ARHGAP23: variants seen among roughly 807,000 people sequenced by gnomAD.
ARHGAP23 encodes the protein rho GTPase-activating protein 23.
A neutral mutation model predicts 136.3 loss-of-function variants in ARHGAP23; 34 were observed. The observed-to-expected ratio is 0.25, with a 90% confidence interval of 0.19 to 0.33. The LOEUF is 0.33. Among genes scored for constraint, ARHGAP23 ranks in the 10% least tolerant of loss-of-function variants. The probability of loss-of-function intolerance (pLI) is 1.00; values close to 1 mark genes in which losing one functional copy is unlikely to be tolerated. For synonymous variants in ARHGAP23, 832 were observed against 920.5 expected, an observed-to-expected ratio of 0.90 and a Z score of 1.74; for missense variants, 1,808 against 2,139.0, an observed-to-expected ratio of 0.85 and a Z score of 3.05.
intron 1 of ARHGAP23, among the ~76,000 whole-genome samples, chr17:38,432,832 A>G (rs1224297467): frequency 5.9e-5 from 9 of 152,216 alleles, no homozygotes; most frequent in Admixed American, 4.6e-4. Context: ...CTGTCTCAAA[A>G]AACCAAACCA....
chr17:38,429,223 C>T (rs909433022), intron 1 of ARHGAP23, among the ~76,000 whole-genome samples: 3 of 152,246 alleles, frequency 2.0e-5, no homozygotes, highest in African/African-American at 7.2e-5. Context: ...GTGCCAGGGG[C>T]ATTACTCAGC....
At chr17:38,470,234 C>T (rs2039718108) in intron 10 of ARHGAP23, among the ~76,000 whole-genome samples, 1 of 152,234 alleles carries the variant, frequency 6.6e-6, no homozygotes, top group Non-Finnish European at 1.5e-5. Flanking sequence ...CCGCTCCTGA[C>T]ATTTCACGCC....
At chr17:38,428,238 A>T (rs2038598672), upstream of ARHGAP23, among the ~76,000 whole-genome samples, 1 of 151,894 alleles carries the variant, frequency 6.6e-6, no homozygotes, top group Admixed American at 6.5e-5. Context: ...CTGGGCTCTG[A>T]CGTCCAGCTC....
At chr17:38,492,465 A>G (rs2040299096) in intron 20 of ARHGAP23, among the ~76,000 whole-genome samples, 3 of 152,158 alleles carry the variant, frequency 2.0e-5, no homozygotes, top group Admixed American at 2.0e-4. Flanking sequence ...AGGCTCAGAG[A>G]GGCAAAGCAA....
chr17:38,487,146 G>A (rs1246536826), intron 17 of ARHGAP23, among the ~76,000 whole-genome samples: 4 of 152,198 alleles, frequency 2.6e-5, no homozygotes, highest in African/African-American at 7.2e-5. Context: ...TGGTGTGAGC[G>A]GGCTCCAGCA....
chr17:38,467,414 C>T lies in ARHGAP23; in HGVS notation c.1648+83C>T, dbSNP rs145902466. ...TGCTGTACCCCATCTGCCTGTCTGC[C>T]ATGGGCAGAATTCGGCTGGGTGCTG... is the stretch of plus-strand genomic sequence containing the variant. On this transcript the variant is annotated intron_variant, in intron 7 of 23. Coordinates refer to ENST00000622683, the MANE Select transcript of ARHGAP23 (RefSeq NM_001199417.2). 1.3e-4 allele frequency: 175 copies of T among 1,344,176 alleles called. No homozygotes were observed. The African/African-American group carries it at 2.2e-3, about 17-fold the overall frequency. 83.3% of individuals were successfully genotyped at this position (1,344,176 alleles called of 1,614,324 possible). A position where few individuals can be genotyped will look rare whatever the true frequency, so the allele number is the denominator to read the frequency against.
Position 38,510,244 on chromosome 17 carries a change from T to C in ARHGAP23, c.3748T>C (p.Tyr1250His), listed in dbSNP as rs1157351230. 1.5e-6 allele frequency: 2 copies of C among 1,375,142 alleles called. No homozygotes were observed. The highest frequency in any genetic ancestry group is 2.8e-5 in the Admixed American group (1 of 35,158). The allele number at this position is 1,375,142 out of a possible 1,614,324, so 85.2% of individuals were successfully genotyped here. A position where few individuals can be genotyped will look rare whatever the true frequency, so the allele number is the denominator to read the frequency against. Residue 1250 changes from tyrosine to histidine, a missense_variant, in exon 24 of 24, where the codon TAC becomes CAC. Physicochemically the swap from Tyr to His is moderately conservative, Grantham distance 83. Transcript: ENST00000622683. The surrounding 1 kb of genome is among the most constrained non-coding windows in gnomAD (Gnocchi z 4.6). ...GGACACGCGCTCCATTGTGTCGGGCTACTCCACCCTGTCCACCATGGACCG... is the reference window on the plus strand; with the variant it reads ...GGACACGCGCTCCATTGTGTCGGGCCACTCCACCCTGTCCACCATGGACCG... Reference protein sequence around the residue: ...AADTRSIVSGYSTLSTMDRSV... With the variant: ...AADTRSIVSGHSTLSTMDRSV...
In ARHGAP23 at chr17:38,510,520, G is replaced by T. The variant is rs1238092161; in HGVS notation, c.4024G>T (p.Glu1342Ter). ...GGGCCGGGGCGGTCCCCGCGCCCCG[G>T]AGCCGCCCGGCTCGGCGTCGTCCAG... is the stretch of plus-strand genomic sequence containing the variant. Reference protein sequence around the residue: ...GAGRGGPRAPEPPGSASSSSQ... With the variant: ...GAGRGGPRAP Residue 1342 changes from glutamate (E) to a stop codon, truncating the protein, a stop_gained, in exon 24 of 24, where the codon GAG becomes TAG. Coordinates refer to ENST00000622683, the MANE Select transcript of ARHGAP23 (RefSeq NM_001199417.2). LOFTEE classifies it high-confidence loss of function. The surrounding 1 kb of genome is among the most constrained non-coding windows in gnomAD (Gnocchi z 4.6). 1 of 1,140,188 alleles carries T rather than the reference G, an allele frequency of 8.8e-7. No individual in the cohort carries two copies. The highest frequency in any genetic ancestry group is 1.7e-5 in the African/African-American group (1 of 60,350). 70.6% of individuals were successfully genotyped at this position (1,140,188 alleles called of 1,614,324 possible).
intron 2 of ARHGAP23, among the ~76,000 whole-genome samples, chr17:38,459,795 C>T (rs2039416550): frequency 1.3e-5 from 2 of 152,338 alleles, no homozygotes; most frequent in South Asian, 4.1e-4. Context: ...CGTCCAAATG[C>T]ATCTGTCTGC....
At chr17:38,421,891 G>A (rs1043543819) in intron 1 of ARHGAP23, among the ~76,000 whole-genome samples, 2 of 152,138 alleles carry the variant, frequency 1.3e-5, no homozygotes, top group African/African-American at 4.8e-5. Flanking sequence ...CTTCCTCTAT[G>A]TTCCCCTTCT....
Position 38,466,659 on chromosome 17 carries a change from C to G in ARHGAP23, c.976C>G (p.Pro326Ala). 6.6e-7 allele frequency: 1 copy of G among 1,512,390 alleles called. No individual in the cohort carries two copies. The highest frequency in any genetic ancestry group is 8.8e-7 in the Non-Finnish European group (1 of 1,133,002). The allele number at this position is 1,512,390 out of a possible 1,614,324, so 93.7% of individuals were successfully genotyped here. The change falls in exon 7 of 24, where the codon CCC (proline) becomes GCC (alanine). Residue 326 changes from proline to alanine, a missense_variant. Transcript: ENST00000622683. ...SQDRLEEVAA[P>A]RPWPCSTSQD... ...GGACCGGTTGGAGGAGGTGGCTGCC[C>G]CCCGCCCGTGGCCCTGCTCCACCTC...
chr17:38,465,529 GT>G (rs1258054919), intron 6 of ARHGAP23, among the ~76,000 whole-genome samples: 7 of 152,238 alleles, frequency 4.6e-5, no homozygotes, highest in African/African-American at 1.7e-4. Flanking sequence ...CGCTGGCCCT[GT>G]CACTCCTTAG....
chr17:38,491,053 G>A (rs6503669), intron 19 of ARHGAP23, among the ~76,000 whole-genome samples: 101,721 of 151,952 alleles, frequency 0.67, 35,690 homozygotes, highest in East Asian at 0.91. Flanking sequence ...CGAGTAGCTG[G>A]GATTACAGGC....
rs758815578 is a variant in ARHGAP23 at position 38,466,204 on chromosome 17, C to A, written c.521C>A (p.Pro174Gln). The change falls in exon 7 of 24, where the codon CCG (proline) becomes CAG (glutamine). Residue 174 changes from proline to glutamine, a missense_variant. Physicochemically the swap from Pro to Gln is moderately conservative, Grantham distance 76. Transcript: ENST00000622683. ...GATGCCTACCTGAAAGGGAACGAGC[C>A]GTATTCTGGAGAGGCCCGCAGCATC... ...SQDAYLKGNEPYSGEARSIPE... is the reference protein window; with the variant it reads ...SQDAYLKGNEQYSGEARSIPE... 6.5e-7 allele frequency: 1 copy of A among 1,529,194 alleles called. No individual in the cohort carries two copies. The highest frequency in any genetic ancestry group is 8.8e-7 in the Non-Finnish European group (1 of 1,133,550). 94.7% of individuals were successfully genotyped at this position (1,529,194 alleles called of 1,614,324 possible).
At position 38,511,296 on chromosome 17, in the gene ARHGAP23, G is replaced by T; in HGVS notation, c.*324G>T. On this transcript the variant is annotated 3_prime_UTR_variant, in exon 24 of 24. Coordinates refer to ENST00000622683, the MANE Select transcript of ARHGAP23 (RefSeq NM_001199417.2). The stretch of plus-strand genomic sequence containing the variant: ...TGTGGCTGCACTTGGGGACCCTTGT[G>T]GACCATGGGGTGTGGCTAGGGAACC... 1 of 321,808 alleles carries T rather than the reference G, an allele frequency of 3.1e-6. No homozygotes were observed. The highest frequency in any genetic ancestry group is 5.0e-5 in the Admixed American group (1 of 19,980). The allele number at this position is 321,808 out of a possible 1,614,324, so 19.9% of individuals were successfully genotyped here. A position where few individuals can be genotyped will look rare whatever the true frequency, so the allele number is the denominator to read the frequency against.
upstream of ARHGAP23, among the ~76,000 whole-genome samples, chr17:38,425,531 C>T (rs1177309992): frequency 6.6e-6 from 1 of 152,184 alleles, no homozygotes; most frequent in Non-Finnish European, 1.5e-5. Context: ...CCCACCCCCT[C>T]CTCTCCTCTA....
chr17:38,435,761 G>A (rs937615377), intron 1 of ARHGAP23, among the ~76,000 whole-genome samples: 1 of 152,156 alleles, frequency 6.6e-6, no homozygotes, highest in Non-Finnish European at 1.5e-5. Context: ...ACCATGCCCG[G>A]CTAATTTTTT....
Position 38,432,259 on chromosome 17 carries a change from G to A in ARHGAP23, c.63+3711G>A, listed in dbSNP as rs76252156. Among the ~76,000 whole-genome samples, 1,085 of 152,290 alleles carry A rather than the reference G, an allele frequency of 7.1e-3. 20 individuals are homozygous for A. Among genetic ancestry groups the A allele is most frequent in the African/African-American group, 0.025 (1,020 of 41,568 alleles). ...ACAGATTAAGAAACTGACACAGGCC[G>A]GGTACAGTGGCTCACACCTGTAATC... On this transcript the variant is annotated intron_variant, in intron 1 of 23. Transcript: ENST00000622683.
intron 1 of ARHGAP23, chr17:38,453,841 G>A (rs1567787599): frequency 1.4e-5 from 2 of 144,730 alleles, no homozygotes; most frequent in East Asian, 2.0e-4. Flanking sequence ...GCCGCCCGGG[G>A]GGTCGAGGAC....
Sources: allele counts gnomAD v4.1 joint callset (sites outside exome capture counted in the v4.1 genomes callset), GRCh38; gene constraint gnomAD v4.1.1; non-coding constraint Gnocchi (gnomAD v3.1); transcripts MANE v1.5; gene names NCBI Gene and HGNC (gene_info 2026-07-23, HGNC 2026-07-21).